The following GPHN variants were observed in gnomAD, a reference collection of about 807,000 sequenced individuals.
GPHN encodes gephyrin.
A neutral mutation model predicts 95.5 loss-of-function variants in GPHN; 17 were observed. The ratio of observed to expected loss-of-function variants is 0.18; its 90% CI spans 0.12 to 0.27. GPHN has a LOEUF of 0.27. Ranked by LOEUF, GPHN falls within the 10% of genes least tolerant of loss-of-function variation. The probability of loss-of-function intolerance (pLI) is 1.00; values close to 1 mark genes in which losing one functional copy is unlikely to be tolerated. For synonymous variants in GPHN, 320 were observed against 322.5 expected (o/e 0.99, Z 0.08); for missense variants, 660 against 978.1 (o/e 0.67, Z 4.34).
At chr14:66,881,278 T>C (rs1416652910) in intron 5 of GPHN, among the ~76,000 whole-genome samples, 2 of 151,906 alleles carry the variant, frequency 1.3e-5, no homozygotes, top group East Asian at 3.9e-4. Context: ...CATGCTGGCC[T>C]TTAAGGAACT....
At chr14:67,395,169 A>G in the GPHN span, among the ~76,000 whole-genome samples, 5 of 152,206 alleles carry the variant, frequency 3.3e-5, no homozygotes, top group African/African-American at 1.2e-4. Flanking sequence ...GGAGGTGTGC[A>G]GAGGTGGCAA....
At chr14:67,311,452 A>C in the GPHN span, among the ~76,000 whole-genome samples, 2 of 152,206 alleles carry the variant, frequency 1.3e-5, no homozygotes, top group African/African-American at 4.8e-5. Flanking sequence ...TGCTCACTGC[A>C]AATATGTGGG....
the GPHN span, among the ~76,000 whole-genome samples, chr14:67,498,705 G>A: frequency 1.4e-4 from 22 of 152,258 alleles, no homozygotes; most frequent in African/African-American, 3.9e-4. Context: ...TCCCTCTGTC[G>A]CCCAGGCTGG....
At chr14:66,920,511 T>G (rs2066161227) in intron 6 of GPHN, among the ~76,000 whole-genome samples, 2 of 151,854 alleles carry the variant, frequency 1.3e-5, no homozygotes, top group African/African-American at 2.4e-5. Context: ...GAAATTTTAC[T>G]TTTTTTAAAA....
chr14:67,218,763 T>A, the GPHN span, among the ~76,000 whole-genome samples: 1 of 151,996 alleles, frequency 6.6e-6, no homozygotes, highest in African/African-American at 2.4e-5. Context: ...TATCAAGCTG[T>A]TTAGAGGTTC....
At chr14:67,158,531 A>C (rs544908913) in intron 18 of GPHN, among the ~76,000 whole-genome samples, 1 of 152,294 alleles carries the variant, frequency 6.6e-6, no homozygotes, top group East Asian at 1.9e-4. Context: ...TTTTACAAAT[A>C]AAAGTACCTA....
At chr14:67,497,757 G>T in the GPHN span, among the ~76,000 whole-genome samples, 1 of 151,958 alleles carries the variant, frequency 6.6e-6, no homozygotes, top group Non-Finnish European at 1.5e-5. Context: ...CAGCATTTTG[G>T]AAAGTCACGT....
chr14:66,690,263 A>AT (rs1485231334), intron 2 of GPHN, among the ~76,000 whole-genome samples: 1 of 151,764 alleles, frequency 6.6e-6, no homozygotes, highest in African/African-American at 2.4e-5. Flanking sequence ...GAAATTTGAA[A>AT]TTTTTTTCTT....
chr14:67,458,413 G>A, the GPHN span, among the ~76,000 whole-genome samples: 4 of 152,114 alleles, frequency 2.6e-5, no homozygotes, highest in Admixed American at 6.5e-5. Flanking sequence ...GCAGCGTGCC[G>A]GGTGCTCGGG....
intron 14 of GPHN, 54 bp from the exon 15 acceptor site, chr14:67,111,807 A>C: frequency 7.3e-7 from 1 of 1,374,230 alleles, no homozygotes; most frequent in Non-Finnish European, 1.0e-6. Context: ...GGAGTAACTA[A>C]ATTCTACTGC....
At chr14:67,498,274 G>A in the GPHN span, among the ~76,000 whole-genome samples, 2 of 152,104 alleles carry the variant, frequency 1.3e-5, no homozygotes, top group Non-Finnish European at 2.9e-5. Context: ...AAGCTTCTGA[G>A]CCACGATGGG....
At chr14:66,801,822 C>G (rs1438823713) in intron 3 of GPHN, among the ~76,000 whole-genome samples, 1 of 150,908 alleles carries the variant, frequency 6.6e-6, no homozygotes, top group Non-Finnish European at 1.5e-5. Context: ...CTCTCCCTCT[C>G]CCTCTCCCTC....
chr14:66,622,875 T>A (rs1278411516), intron 1 of GPHN, among the ~76,000 whole-genome samples: 1 of 152,172 alleles, frequency 6.6e-6, no homozygotes, highest in African/African-American at 2.4e-5. Flanking sequence ...TTTCCCAGAT[T>A]TTCCTGTCTT....
chr14:67,183,186 T>C (rs1229598866), downstream of GPHN, among the ~76,000 whole-genome samples: 1 of 152,196 alleles, frequency 6.6e-6, no homozygotes, highest in Admixed American at 6.5e-5. Flanking sequence ...AAATTAAACA[T>C]ATGAAATGTG....
chr14:67,633,381 A>T, the GPHN span, among the ~76,000 whole-genome samples: 5,442 of 152,134 alleles, frequency 0.036, 293 homozygotes, highest in African/African-American at 0.12. Context: ...GGCGATGTAT[A>T]CTTCATCAGA....
the GPHN span, chr14:67,571,882 G>GC: frequency 3.0e-5 from 48 of 1,611,482 alleles, no homozygotes; most frequent in Non-Finnish European, 3.9e-5. Context: ...GGACTAGGCA[G>GC]CCCCCGGGCC....
At chr14:67,028,995 C>T (rs143012848) in intron 10 of GPHN, among the ~76,000 whole-genome samples, 2 of 152,032 alleles carry the variant, frequency 1.3e-5, no homozygotes, top group African/African-American at 2.4e-5. Context: ...TTATAGTTCT[C>T]GTTCTTATGT....
At chr14:67,107,959 T>C (rs896891680) in intron 13 of GPHN, among the ~76,000 whole-genome samples, 6 of 152,190 alleles carry the variant, frequency 3.9e-5, no homozygotes, top group African/African-American at 1.2e-4. Context: ...GATGCGTAGG[T>C]GCTCAGCTTG....
chr14:67,547,633 G>A, the GPHN span, among the ~76,000 whole-genome samples: 3 of 152,222 alleles, frequency 2.0e-5, no homozygotes, highest in Non-Finnish European at 2.9e-5. Context: ...CTCACTGCTG[G>A]CTATCCTGTA....
Sources: gnomAD v4.1 joint callset for allele counts (sites outside exome capture counted in the v4.1 genomes callset) on GRCh38, gnomAD v4.1.1 for gene constraint, MANE v1.5 for transcripts, NCBI Gene and HGNC (gene_info 2026-07-23, HGNC 2026-07-21) for gene names.